Variants in CPE observed in about 807,000 individuals in gnomAD.
CPE encodes carboxypeptidase E.
In CPE, 17 loss-of-function variants were observed where a neutral mutation model predicts 53.5. The ratio of observed to expected loss-of-function variants is 0.32; its 90% CI spans 0.22 to 0.48. CPE has a LOEUF of 0.48. Among genes scored for constraint, CPE ranks in the 20% least tolerant of loss-of-function variants. The probability of loss-of-function intolerance (pLI) is 0.99; values close to 1 mark genes in which losing one functional copy is unlikely to be tolerated. For missense variants in CPE, 524 were observed against 614.7 expected, an observed-to-expected ratio of 0.85 and a Z score of 1.56; for synonymous variants, 226 against 228.8, an observed-to-expected ratio of 0.99 and a Z score of 0.11.
chr4:165,401,151 CCTT>C (rs1730860840), intron 1 of CPE, among the ~76,000 whole-genome samples: 1 of 152,104 alleles, frequency 6.6e-6, no homozygotes, highest in Admixed American at 6.6e-5. Flanking sequence ...TCTCCTGACA[CCTT>C]CTCAGTCTTT....
At chr4:165,403,490 A>G (rs1424235610) in intron 1 of CPE, among the ~76,000 whole-genome samples, 1 of 152,158 alleles carries the variant, frequency 6.6e-6, no homozygotes, top group Non-Finnish European at 1.5e-5. Flanking sequence ...AAGTTGGAAT[A>G]AATAATCATT....
intron 3 of CPE, among the ~76,000 whole-genome samples, chr4:165,481,400 AT>A: frequency 6.6e-6 from 1 of 152,316 alleles, no homozygotes; most frequent in Non-Finnish European, 1.5e-5. Flanking sequence ...AACCCTACTG[AT>A]GCCATTAGAT....
chr4:165,438,345 G>C (rs1006317729), intron 1 of CPE, among the ~76,000 whole-genome samples: 6 of 152,246 alleles, frequency 3.9e-5, no homozygotes, highest in African/African-American at 1.4e-4. Flanking sequence ...TGAGTCCTCA[G>C]GTTAGGAAGG....
chr4:165,412,957 G>A (rs1731064264), intron 1 of CPE, among the ~76,000 whole-genome samples: 1 of 152,182 alleles, frequency 6.6e-6, no homozygotes, highest in African/African-American at 2.4e-5. Flanking sequence ...GGTGCTCACT[G>A]TTACACCTAG....
chr4:165,410,163 C>T (rs564779241), intron 1 of CPE, among the ~76,000 whole-genome samples: 101 of 149,840 alleles, frequency 6.7e-4, no homozygotes, highest in Middle Eastern at 7.0e-3. Flanking sequence ...GCAGGAGAAT[C>T]GATTGAACCT....
chr4:165,384,707 A>G (rs1427540562), intron 1 of CPE, among the ~76,000 whole-genome samples: 1 of 152,216 alleles, frequency 6.6e-6, no homozygotes, highest in Non-Finnish European at 1.5e-5. Context: ...TCTTTATCAT[A>G]GTATTAAAGA....
At chr4:165,385,287 A>G (rs141635031) in intron 1 of CPE, among the ~76,000 whole-genome samples, 1 of 152,278 alleles carries the variant, frequency 6.6e-6, no homozygotes, top group African/African-American at 2.4e-5. Context: ...ACACTCATTT[A>G]GAGTAGGCAC....
chr4:165,425,135 C>T (rs1362899232), intron 1 of CPE, among the ~76,000 whole-genome samples: 1 of 152,086 alleles, frequency 6.6e-6, no homozygotes, highest in Admixed American at 6.6e-5. Flanking sequence ...GCCTTGACCT[C>T]CCAAAGTGCT....
At chr4:165,457,632 TTC>T (rs1223088305) in intron 1 of CPE, among the ~76,000 whole-genome samples, 1 of 152,206 alleles carries the variant, frequency 6.6e-6, no homozygotes, top group African/African-American at 2.4e-5. Flanking sequence ...TGCAGAATAA[TTC>T]TGTAATATAT....
chr4:165,484,832 A>G (rs1732478861), intron 5 of CPE, among the ~76,000 whole-genome samples: 1 of 152,244 alleles, frequency 6.6e-6, no homozygotes, highest in African/African-American at 2.4e-5. Context: ...GAAGAGATAC[A>G]GGAAATGAAC....
chr4:165,392,007 A>G (rs1001560318), intron 1 of CPE, among the ~76,000 whole-genome samples: 3 of 151,874 alleles, frequency 2.0e-5, no homozygotes, highest in African/African-American at 7.2e-5. Flanking sequence ...TGTGTGACAT[A>G]TAAGCATTCA....
intron 1 of CPE, among the ~76,000 whole-genome samples, chr4:165,390,690 T>C: frequency 6.6e-6 from 1 of 152,186 alleles, no homozygotes. Flanking sequence ...AGTAGCATTT[T>C]TATATTTTCA....
At chr4:165,405,513 C>T in intron 1 of CPE, 1 of 952,450 alleles carries the variant, frequency 1.0e-6, no homozygotes, top group East Asian at 2.4e-5. Context: ...TTTTCTTCCA[C>T]TTTTTTGTAA....
rs558408524 is a variant in CPE, at chr4:165,389,422, T to C, written c.307+9894T>C. ...CTGAGAGGTTGGTTCTTGTAAAAAA[T>C]ATGATTTCTCAAGAATGTTTTTTTC... On this transcript the variant is annotated intron_variant, in intron 1 of 8. Transcript: ENST00000402744. Among the ~76,000 whole-genome samples, 57 of 152,326 alleles carry C rather than the reference T, an allele frequency of 3.7e-4. 1 individual carries two copies. The highest frequency in any genetic ancestry group is 3.4e-3 in the Middle Eastern group (1 of 294).
chr4:165,490,031 A>G (rs1237717981), intron 6 of CPE, among the ~76,000 whole-genome samples: 1 of 152,178 alleles, frequency 6.6e-6, no homozygotes, highest in Non-Finnish European at 1.5e-5. Context: ...CTGATGAAAA[A>G]TCAGTGAGGG....
chr4:165,467,898 A>G, intron 3 of CPE, 43 bp downstream of exon 3: 5 of 1,592,298 alleles, frequency 3.1e-6, no homozygotes, highest in Non-Finnish European at 4.3e-6. Context: ...TCTCTAGCCT[A>G]AGGAAATATG....
At chr4:165,452,622 G>C (rs1221576251) in intron 1 of CPE, among the ~76,000 whole-genome samples, 2 of 151,912 alleles carry the variant, frequency 1.3e-5, no homozygotes, top group Non-Finnish European at 2.9e-5. Context: ...ATCATTCATA[G>C]TTTTGTTTAA....
intron 1 of CPE, among the ~76,000 whole-genome samples, chr4:165,381,908 C>G (rs1427720227): frequency 2.6e-5 from 4 of 152,208 alleles, no homozygotes; most frequent in African/African-American, 9.6e-5. Flanking sequence ...TGGGCTCATT[C>G]AGTGTTTTTT....
intron 3 of CPE, among the ~76,000 whole-genome samples, chr4:165,479,215 A>G (rs1048884118): frequency 6.6e-6 from 1 of 152,230 alleles, no homozygotes; most frequent in African/African-American, 2.4e-5. Context: ...TTAAAAAAGC[A>G]TATGCATTAT....
Sources: gnomAD v4.1 joint callset for allele counts (sites outside exome capture counted in the v4.1 genomes callset) on GRCh38, gnomAD v4.1.1 for gene constraint, MANE v1.5 for transcripts, NCBI Gene and HGNC (gene_info 2026-07-23, HGNC 2026-07-21) for gene names.